Variants in GPC6 observed in about 807,000 individuals in gnomAD.
GPC6 encodes the protein glypican-6.
A neutral mutation model predicts 55.2 loss-of-function variants in GPC6; 14 were observed. That is an observed-to-expected ratio of 0.25 (90% CI 0.17 to 0.40). GPC6 has a LOEUF of 0.40. Among genes scored for constraint, GPC6 ranks in the 10% least tolerant of loss-of-function variants. GPC6 has a pLI of 1.00. For synonymous variants in GPC6, 278 were observed against 259.6 expected (o/e 1.07, Z -0.68); for missense variants, 641 against 708.5 (o/e 0.90, Z 1.08).
At chr13:93,376,522 T>C (rs1265142543) in intron 1 of GPC6, among the ~76,000 whole-genome samples, 1 of 152,148 alleles carries the variant, frequency 6.6e-6, no homozygotes, top group Non-Finnish European at 1.5e-5. Flanking sequence ...TGTGAAGCCC[T>C]CTGTTTCGCT....
chr13:93,430,049 G>A (rs982186293), intron 1 of GPC6, among the ~76,000 whole-genome samples: 1 of 152,122 alleles, frequency 6.6e-6, no homozygotes, highest in Non-Finnish European at 1.5e-5. Flanking sequence ...AAAGGCTGCA[G>A]TCAAGAGTGC....
intron 3 of GPC6, among the ~76,000 whole-genome samples, chr13:93,856,415 A>T (rs1888612840): frequency 6.6e-6 from 1 of 151,602 alleles, no homozygotes; most frequent in Non-Finnish European, 1.5e-5. Context: ...TGTGGTAGGC[A>T]GAGTGTACTG....
intron 2 of GPC6, among the ~76,000 whole-genome samples, chr13:93,549,099 C>G (rs926821281): frequency 6.6e-6 from 1 of 152,140 alleles, no homozygotes; most frequent in East Asian, 1.9e-4. Flanking sequence ...TCAATATGCT[C>G]TGTAGCCAAG....
At chr13:93,800,334 C>A (rs187059354) in intron 2 of GPC6, among the ~76,000 whole-genome samples, 6 of 152,252 alleles carry the variant, frequency 3.9e-5, no homozygotes, top group East Asian at 3.9e-4. Flanking sequence ...ATGGGCAAAG[C>A]TGAATATAGA....
At chr13:94,244,929 T>C (rs1290017596) in intron 4 of GPC6, among the ~76,000 whole-genome samples, 1 of 152,086 alleles carries the variant, frequency 6.6e-6, no homozygotes, top group African/African-American at 2.4e-5. Context: ...TACAGCATGA[T>C]GTTACAAGAT....
intron 2 of GPC6, among the ~76,000 whole-genome samples, chr13:93,806,697 G>A (rs1045103135): frequency 6.6e-6 from 1 of 152,122 alleles, no homozygotes; most frequent in Non-Finnish European, 1.5e-5. Context: ...TTAAATTCCT[G>A]TGGACAGACA....
intron 4 of GPC6, among the ~76,000 whole-genome samples, chr13:94,205,670 C>T (rs1019110471): frequency 3.3e-5 from 5 of 152,206 alleles, no homozygotes; most frequent in South Asian, 2.1e-4. Flanking sequence ...TTTCAGATGG[C>T]ATCTTCTAAG....
intron 3 of GPC6, among the ~76,000 whole-genome samples, chr13:93,851,973 C>T (rs570511071): frequency 6.6e-6 from 1 of 151,690 alleles, no homozygotes; most frequent in Admixed American, 6.6e-5. Flanking sequence ...TAAGCAATAG[C>T]AGATTCCTAA....
intron 5 of GPC6, among the ~76,000 whole-genome samples, chr13:94,300,588 A>G (rs1478504590): frequency 6.6e-6 from 1 of 152,218 alleles, no homozygotes; most frequent in Non-Finnish European, 1.5e-5. Context: ...TGAGCCAGAT[A>G]TCTTCCTAAA....
chr13:93,636,693 TAAG>T (rs555638835), intron 2 of GPC6, among the ~76,000 whole-genome samples: 14 of 152,212 alleles, frequency 9.2e-5, no homozygotes, highest in Non-Finnish European at 1.6e-4. Context: ...GCCCCCAAAA[TAAG>T]GAGACAGTGG....
chr13:93,979,281 TTG>T (rs72400372), intron 3 of GPC6, among the ~76,000 whole-genome samples: 25,245 of 140,104 alleles, frequency 0.18, 2,336 homozygotes, highest in Middle Eastern at 0.31. Context: ...GACACTTCTT[TTG>T]TGTGTGTGTG....
intron 2 of GPC6, among the ~76,000 whole-genome samples, chr13:93,659,579 C>T (rs1277156424): frequency 1.3e-5 from 2 of 151,982 alleles, no homozygotes; most frequent in African/African-American, 4.8e-5. Context: ...AGCAGCAATG[C>T]AGATCAATCA....
upstream of GPC6, chr13:93,226,805 C>G (rs1488320243): frequency 1.3e-5 from 2 of 152,582 alleles, no homozygotes; most frequent in East Asian, 1.9e-4. Context: ...TTTCTCCCCC[C>G]TCCTTTCTCC....
Position 93,317,137 on chromosome 13 carries a change from C to T in GPC6, c.160+89521C>T, listed in dbSNP as rs533340754. Among the ~76,000 whole-genome samples the T allele has an allele frequency of 3.3e-5, 5 of 152,188 alleles. No individual in the cohort carries two copies. The South Asian group carries it at 1.0e-3, about 32-fold the overall frequency. On this transcript the variant is annotated intron_variant, in intron 1 of 8. Coordinates refer to ENST00000377047, the MANE Select transcript of GPC6 (RefSeq NM_005708.5). ...ACAATTGGCTGACTTTTAACACACTCATGGGGTGTTTTATATGTGGTCCTG... is the reference window on the plus strand; with the variant it reads ...ACAATTGGCTGACTTTTAACACACTTATGGGGTGTTTTATATGTGGTCCTG...
At chr13:93,697,054 C>A (rs1163719254) in intron 2 of GPC6, among the ~76,000 whole-genome samples, 1 of 152,152 alleles carries the variant, frequency 6.6e-6, no homozygotes, top group Admixed American at 6.6e-5. Flanking sequence ...CTCTCCCAGT[C>A]CCCAATTTGT....
chr13:94,403,205 A>G lies in GPC6; in HGVS notation c.1656A>G (p.Arg552=), dbSNP rs759415215. The G allele has an allele frequency of 1.2e-6, 2 of 1,611,496 alleles. No individual in the cohort carries two copies. The highest frequency in any genetic ancestry group is 1.7e-6 in the Non-Finnish European group (2 of 1,177,624). Reference sequence around the variant, plus strand: ...CCTGCATTGTCCTGGCACTGCAGAGACTGTGCAGATAATCTTGGGTTTTTG... The same window carrying G: ...CCTGCATTGTCCTGGCACTGCAGAGGCTGTGCAGATAATCTTGGGTTTTTG... ...SLTCIVLALQ[R]LCR Residue 552 remains arginine (R), a synonymous_variant, in exon 9 of 9, where the codon AGA becomes AGG. Transcript: ENST00000377047.
chr13:94,347,233 C>T (rs1362051214), intron 6 of GPC6, among the ~76,000 whole-genome samples: 1 of 152,018 alleles, frequency 6.6e-6, no homozygotes, highest in Non-Finnish European at 1.5e-5. Context: ...TCTTCTGAAC[C>T]ACCCAGATCA....
At chr13:93,727,484 C>A (rs1264613612) in intron 2 of GPC6, among the ~76,000 whole-genome samples, 1 of 148,308 alleles carries the variant, frequency 6.7e-6, no homozygotes, top group African/African-American at 2.4e-5. Context: ...CCAGCTTACA[C>A]TCTTGCCCTT....
chr13:94,049,219 A>G (rs1219878112), intron 4 of GPC6, among the ~76,000 whole-genome samples: 3 of 150,054 alleles, frequency 2.0e-5, no homozygotes, highest in African/African-American at 7.3e-5. Flanking sequence ...ACTGCACTGC[A>G]GCCTAGGTGA....
Sources: allele counts gnomAD v4.1 joint callset (sites outside exome capture counted in the v4.1 genomes callset), GRCh38; gene constraint gnomAD v4.1.1; transcripts MANE v1.5; gene names NCBI Gene and HGNC (gene_info 2026-07-23, HGNC 2026-07-21).